Variants in GALNT17 observed in about 807,000 individuals in gnomAD.
GALNT17 encodes UDP-GalNAc:polypeptide N-acetylgalactosaminyltransferase-like 3.
A neutral mutation model predicts 63.7 loss-of-function variants in GALNT17; 29 were observed. The ratio of observed to expected loss-of-function variants is 0.46; its 90% CI spans 0.34 to 0.62. The LOEUF (loss-of-function observed/expected upper bound fraction) is 0.62, where lower values mean the gene tolerates loss of function less well. Ranked by LOEUF, GALNT17 falls within the 20% of genes least tolerant of loss-of-function variation. GALNT17 has a pLI of 0.01. For synonymous variants in GALNT17, 305 were observed against 318.3 expected, an observed-to-expected ratio of 0.96 and a Z score of 0.45; for missense variants, 603 against 799.6, an observed-to-expected ratio of 0.75 and a Z score of 2.97.
At position 71,531,407 on chromosome 7, in the gene GALNT17, C is replaced by T. The variant is rs1316160154; in HGVS notation, c.963-39878C>T. ...AACTATAGGCGCTATGTTGTAGCTA[C>T]ATGTGGCTAGTGGCTACCATATTGG... On this transcript the variant is annotated intron_variant, in intron 5 of 10. Transcript: ENST00000333538. 2.6e-5 allele frequency among the ~76,000 whole-genome samples: 4 copies of T among 152,264 alleles called. No individual in the cohort carries two copies. The East Asian group carries it at 7.7e-4, about 29-fold the overall frequency.
At chr7:71,557,053 A>ATT (rs555277982) in intron 5 of GALNT17, among the ~76,000 whole-genome samples, 24 of 136,660 alleles carry the variant, frequency 1.8e-4, no homozygotes, top group African/African-American at 3.5e-4. Flanking sequence ...AACCCAGCTA[A>ATT]TTTTTTTTTT....
At chr7:71,220,442 C>T (rs909739133) in intron 1 of GALNT17, among the ~76,000 whole-genome samples, 18 of 152,168 alleles carry the variant, frequency 1.2e-4, no homozygotes, top group African/African-American at 3.6e-4. Flanking sequence ...ACACATTGTA[C>T]GTGACTTTCA....
chr7:71,160,510 G>C lies in GALNT17; in HGVS notation c.238+27470G>C, dbSNP rs191045262. ...TTTCGCTCTTGTTGCCTAGGCTGGA[G>C]TGCAATGGCACGATCTCAGCTCACA... On this transcript the variant is annotated intron_variant, in intron 1 of 10. Coordinates refer to ENST00000333538, the MANE Select transcript of GALNT17 (RefSeq NM_022479.3). Among the ~76,000 whole-genome samples the C allele has an allele frequency of 1.2e-3, 178 of 152,234 alleles. 1 individual carries two copies. Among genetic ancestry groups the C allele is most frequent in the African/African-American group, 4.1e-3 (172 of 41,544 alleles).
At chr7:71,711,801 CTCTA>C (rs1316398453) in intron 10 of GALNT17, among the ~76,000 whole-genome samples, 1 of 150,606 alleles carries the variant, frequency 6.6e-6, no homozygotes, top group East Asian at 2.0e-4. Context: ...TCTCTTCTGT[CTCTA>C]TCTTCTCTCT....
At chr7:71,135,408 A>G (rs1295108760) in intron 1 of GALNT17, among the ~76,000 whole-genome samples, 2 of 152,184 alleles carry the variant, frequency 1.3e-5, no homozygotes, top group Admixed American at 6.5e-5. Flanking sequence ...ACAGACATAC[A>G]TGAACCCACT....
At chr7:71,565,947 G>A (rs529307697) in intron 5 of GALNT17, among the ~76,000 whole-genome samples, 3 of 151,082 alleles carry the variant, frequency 2.0e-5, no homozygotes, top group East Asian at 3.9e-4. Flanking sequence ...GGGTTCAAGC[G>A]ATTCTCTTGC....
intron 3 of GALNT17, among the ~76,000 whole-genome samples, chr7:71,397,479 A>C (rs1793158723): frequency 6.6e-6 from 1 of 152,164 alleles, no homozygotes; most frequent in Non-Finnish European, 1.5e-5. Flanking sequence ...TCCAGGCAGT[A>C]GACAGAAAGC....
chr7:71,371,205 C>T (rs972860400), intron 2 of GALNT17, among the ~76,000 whole-genome samples: 2 of 152,144 alleles, frequency 1.3e-5, no homozygotes, highest in African/African-American at 4.8e-5. Flanking sequence ...TCAAGCTTTG[C>T]AGTTCCCTTT....
chr7:71,505,372 G>A (rs113060659), intron 5 of GALNT17, among the ~76,000 whole-genome samples: 1 of 152,066 alleles, frequency 6.6e-6, no homozygotes, highest in Non-Finnish European at 1.5e-5. Flanking sequence ...GCTAAGGTGG[G>A]AGGATCACTT....
intron 5 of GALNT17, among the ~76,000 whole-genome samples, chr7:71,539,707 CTTTTTTTTTTTTT>C (rs71089953): frequency 1.4e-5 from 1 of 71,416 alleles, no homozygotes; most frequent in Non-Finnish European, 2.4e-5. Flanking sequence ...TTAGTCCCAC[CTTTTTTTTTTTTT>C]TTTTTTTTTT....
intron 6 of GALNT17, among the ~76,000 whole-genome samples, chr7:71,654,068 T>G (rs1790792298): frequency 6.6e-6 from 1 of 152,166 alleles, no homozygotes; most frequent in Non-Finnish European, 1.5e-5. Flanking sequence ...CAGGCTGGAG[T>G]GCAATGGCAC....
intron 2 of GALNT17, among the ~76,000 whole-genome samples, chr7:71,382,753 G>A (rs1792870337): frequency 6.6e-6 from 1 of 152,146 alleles, no homozygotes; most frequent in Non-Finnish European, 1.5e-5. Flanking sequence ...GTTCATTCGG[G>A]TTCCCTAGAG....
intron 5 of GALNT17, among the ~76,000 whole-genome samples, chr7:71,517,628 AT>A (rs1489003245): frequency 6.6e-6 from 1 of 152,208 alleles, no homozygotes; most frequent in Admixed American, 6.5e-5. Context: ...CATCACTACT[AT>A]ATAAGACTCC....
rs1443586178 is a variant in GALNT17, at chr7:71,712,996, G to A, written c.*850G>A. 6.5e-6 allele frequency: 1 copy of A among 152,740 alleles called. No homozygotes were observed. Among genetic ancestry groups the A allele is most frequent in the Non-Finnish European group, 1.5e-5 (1 of 68,156 alleles). The allele number at this position is 152,740 out of a possible 1,614,324, so 9.5% of individuals were successfully genotyped here. ...GCGGTCCTCCATCCAGAACCTAAGG[G>A]CTGAAGCAAAGGCTGCCAGGACCCT... On this transcript the variant is annotated 3_prime_UTR_variant, in exon 11 of 11. Coordinates refer to ENST00000333538, the MANE Select transcript of GALNT17 (RefSeq NM_022479.3).
chr7:71,270,954 GAA>G (rs1290745568), intron 1 of GALNT17, among the ~76,000 whole-genome samples: 10 of 148,246 alleles, frequency 6.7e-5, no homozygotes, highest in Non-Finnish European at 1.5e-4. Flanking sequence ...AAAAAAAGAA[GAA>G]AAGAAAAGAA....
chr7:71,712,079 C>T lies in GALNT17; in HGVS notation c.1730C>T (p.Ala577Val). The T allele has an allele frequency of 6.2e-7, 1 of 1,614,074 alleles. No individual in the cohort carries two copies. The highest frequency in any genetic ancestry group is 8.5e-7 in the Non-Finnish European group (1 of 1,179,976). ...CTGGAGGTGGAGAACCGGGGCCTGGCTGGCATCGACCTCATCCTCCGCAGC... is the reference window on the plus strand; with the variant it reads ...CTGGAGGTGGAGAACCGGGGCCTGGTTGGCATCGACCTCATCCTCCGCAGC... ...RCLEVENRGL[A>V]GIDLILRSCT... is the part of the protein sequence containing the mutation. The change falls in exon 11 of 11, where the codon GCT becomes GTT. Residue 577 changes from alanine (A) to valine (V), a missense_variant. Transcript: ENST00000333538.
At chr7:71,144,228 A>G (rs1787971618) in intron 1 of GALNT17, among the ~76,000 whole-genome samples, 1 of 152,088 alleles carries the variant, frequency 6.6e-6, no homozygotes, top group Non-Finnish European at 1.5e-5. Context: ...GGAGTCCGTC[A>G]GAAATCCCCT....
intron 5 of GALNT17, among the ~76,000 whole-genome samples, chr7:71,559,933 G>A (rs1301515804): frequency 2.0e-5 from 3 of 151,234 alleles, no homozygotes; most frequent in Admixed American, 6.6e-5. Flanking sequence ...GGTAGCTCAC[G>A]CCTGTAAATC....
intron 6 of GALNT17, among the ~76,000 whole-genome samples, chr7:71,660,045 C>T (rs180730769): frequency 2.0e-5 from 3 of 152,346 alleles, no homozygotes; most frequent in East Asian, 1.9e-4. Context: ...AATGCATTTC[C>T]CTTGCTAGAT....
Sources: gnomAD v4.1 joint callset for allele counts (sites outside exome capture counted in the v4.1 genomes callset) on GRCh38, gnomAD v4.1.1 for gene constraint, MANE v1.5 for transcripts, NCBI Gene and HGNC (gene_info 2026-07-23, HGNC 2026-07-21) for gene names.